Variants in AMHR2 observed in about 807,000 individuals in gnomAD.
AMHR2 encodes anti-Muellerian hormone type-2 receptor.
Under a neutral mutation model 61.4 loss-of-function variants are expected in AMHR2, and 36 were observed. That is an observed-to-expected ratio of 0.59 (90% confidence interval 0.45 to 0.77). The LOEUF is 0.77. Among genes scored for constraint, AMHR2 ranks in the 30% least tolerant of loss-of-function variants. The pLI is 0.00. For missense variants in AMHR2, 638 were observed against 714.6 expected, an observed-to-expected ratio of 0.89 and a Z score of 1.22; for synonymous variants, 258 against 279.4, an observed-to-expected ratio of 0.92 and a Z score of 0.76.
Position 53,431,388 on chromosome 12 carries a change from C to G in AMHR2, c.1637C>G (p.Pro546Arg), listed in dbSNP as rs759606666. ...IPAPTILPCR[P>R]QRSACHFSVQ... The stretch of plus-strand genomic sequence containing the variant: ...GCCCCTACCATCCTCCCCTGTAGGC[C>G]TCAGCGGAGTGCCTGCCACTTCAGC... The change falls in exon 11 of 11, where the codon CCT becomes CGT. Residue 546 changes from proline (P) to arginine (R), a missense_variant. By Grantham distance (103) the Pro-to-Arg change is moderately radical. Coordinates refer to ENST00000257863, the MANE Select transcript of AMHR2 (RefSeq NM_020547.3). The G allele has an allele frequency of 7.4e-6, 12 of 1,614,238 alleles. No homozygotes were observed. In the Admixed American group the frequency reaches 2.0e-4, roughly 27 times the overall value.
In AMHR2 at chr12:53,425,876, G is replaced by T; in HGVS notation, c.809G>T (p.Arg270Leu). 6.2e-7 allele frequency: 1 copy of T among 1,614,076 alleles called. No homozygotes were observed. Among genetic ancestry groups the T allele is most frequent in the Non-Finnish European group, 8.5e-7 (1 of 1,180,008 alleles). The change falls in exon 6 of 11, where the codon CGC (arginine) becomes CTC (leucine). Residue 270 changes from arginine to leucine, a missense_variant. By Grantham distance (102) the Arg-to-Leu change is moderately radical. Transcript: ENST00000257863. ...FITASRGGPG[R>L]LLSGPLLVLE... ...ACTGCCAGCCGGGGGGGTCCTGGCC[G>T]CCTGCTCTCTGGGCCCCTGCTGGTA...
In AMHR2 at chr12:53,424,331, A is replaced by T. The variant is rs1939339002; in HGVS notation, c.93A>T (p.Gly31=). 2 of 1,612,894 alleles carry T rather than the reference A, an allele frequency of 1.2e-6. No homozygotes were observed. Among genetic ancestry groups the T allele is most frequent in the South Asian group, 2.2e-5 (2 of 91,032 alleles). ...RRTCVFFEAP[G]VRGSTKTLGE... The stretch of plus-strand genomic sequence containing the variant: ...CCTGTGTGTTCTTTGAGGCCCCTGG[A>T]GTGCGGGGAAGCACAAAGACACTGG... Residue 31 remains glycine, a synonymous_variant, in exon 2 of 11, where the codon GGA becomes GGT. Transcript: ENST00000257863.
chr12:53,431,001 A>G, intron 10 of AMHR2, 176 bp from the exon 11 acceptor site: 3 of 789,470 alleles, frequency 3.8e-6, no homozygotes, highest in South Asian at 3.2e-5. Context: ...AGCCTGTTTC[A>G]TAGGGAGCAA....
intron 3 of AMHR2, 38 bp from the exon 4 acceptor site, chr12:53,425,127 C>A: frequency 6.2e-7 from 1 of 1,612,466 alleles, no homozygotes; most frequent in South Asian, 1.1e-5. Context: ...AGGTTTGGGT[C>A]AGTGCTCTCC....
At position 53,431,190 on chromosome 12, in the gene AMHR2, T is replaced by G. The variant is rs772827294; in HGVS notation, c.1439T>G (p.Leu480Arg). Residue 480 changes from leucine to arginine, a missense_variant, in exon 11 of 11, where the codon CTG becomes CGG. Transcript: ENST00000257863. The part of the protein sequence containing the change: ...WRCFATDPDG[L>R]RELLEDCWDA... ...CATTCCCCCCAGGACCCTGATGGGC[T>G]GAGGGAGCTCCTAGAAGACTGTTGG... 1 of 1,614,180 alleles carries G rather than the reference T, an allele frequency of 6.2e-7. No homozygotes were observed.
chr12:53,423,904 TCTC>T lies in AMHR2; in HGVS notation c.-28_-26del, dbSNP rs748190790. On this transcript the variant is annotated 5_prime_UTR_variant, in exon 1 of 11. Transcript: ENST00000257863. ...GGGCAGCTGTGCTGGCTTATGCTCTTCTCCTTCTGCTGCTGCCATCCTCCAGCA... is the reference window on the plus strand; with the variant it reads ...GGGCAGCTGTGCTGGCTTATGCTCTTCTTCTGCTGCTGCCATCCTCCAGCA... 7.4e-6 allele frequency: 12 copies of T among 1,613,678 alleles called. No homozygotes were observed. Among genetic ancestry groups the T allele is most frequent in the African/African-American group, 6.7e-5 (5 of 74,912 alleles).
intron 10 of AMHR2, 101 bp from the exon 11 acceptor site, chr12:53,431,076 A>T: frequency 7.2e-7 from 1 of 1,392,648 alleles, no homozygotes; most frequent in Admixed American, 1.7e-5. Flanking sequence ...TCAGAAGTGG[A>T]TGTTGAAAGC....
intron 10 of AMHR2, chr12:53,430,753 C>T (rs760940225): frequency 7.2e-5 from 25 of 345,810 alleles, no homozygotes; most frequent in African/African-American, 1.7e-4. Flanking sequence ...AAAGCAGTGG[C>T]GTCACAGTGA....
intron 4 of AMHR2, 32 bp from the exon 5 acceptor site, chr12:53,425,423 C>CA: frequency 3.1e-6 from 5 of 1,611,396 alleles, no homozygotes; most frequent in Non-Finnish European, 4.2e-6. Context: ...TATGCATTTG[C>CA]ACCCTGACCC....
At chr12:53,427,591 C>T (rs900235113) in intron 6 of AMHR2, among the ~76,000 whole-genome samples, 1 of 152,028 alleles carries the variant, frequency 6.6e-6, no homozygotes, top group Non-Finnish European at 1.5e-5. Context: ...TTAGTAGAGA[C>T]GGGATTTCAC....
chr12:53,425,659 G>C lies in AMHR2; in HGVS notation c.622-30G>C, dbSNP rs150321213. On this transcript the variant is annotated intron_variant, in intron 5 of 10. Transcript: ENST00000257863. ...AATCCTGGCCCTGTTATAGCTCAGA[G>C]GCCCACACTCAGCACAGTGTCCCCA... The C allele has an allele frequency of 9.3e-6, 15 of 1,613,500 alleles. No homozygotes were observed. In the East Asian group the frequency reaches 3.3e-4, roughly 36 times the overall value.
chr12:53,428,068 C>G (rs1939772495), intron 6 of AMHR2, among the ~76,000 whole-genome samples: 1 of 152,222 alleles, frequency 6.6e-6, no homozygotes, highest in Admixed American at 6.5e-5. Context: ...CCATATACCT[C>G]CTGGCCCAGC....
intron 6 of AMHR2, among the ~76,000 whole-genome samples, chr12:53,427,364 T>G (rs1435953155): frequency 6.6e-6 from 1 of 152,256 alleles, no homozygotes; most frequent in Non-Finnish European, 1.5e-5. Flanking sequence ...ATTTCCCATC[T>G]GCTTCCTGCT....
intron 8 of AMHR2, 95 bp from the exon 9 acceptor site, chr12:53,429,736 G>T (rs1939945791): frequency 1.2e-6 from 2 of 1,602,456 alleles, no homozygotes; most frequent in Non-Finnish European, 1.7e-6. Context: ...TTGGGACATT[G>T]CTGAGTCTGT....
chr12:53,429,330 T>C lies in AMHR2; in HGVS notation c.968-123T>C, dbSNP rs1939901466. 7.5e-6 allele frequency: 8 copies of C among 1,064,428 alleles called. No individual in the cohort carries two copies. In the South Asian group the frequency reaches 1.1e-4, roughly 14 times the overall value. The allele number at this position is 1,064,428 out of a possible 1,614,324, so 65.9% of individuals were successfully genotyped here. On this transcript the variant is annotated intron_variant, in intron 7 of 10. Coordinates refer to ENST00000257863, the MANE Select transcript of AMHR2 (RefSeq NM_020547.3). ...TCACTTGAACCCGGGAGGCGGAGGT[T>C]GCAGTGAGCCGAGATCGCGACACTG... is the stretch of plus-strand genomic sequence containing the variant.
rs1236281115 is a variant in AMHR2 at position 53,430,234 on chromosome 12, G to A, written c.1377G>A (p.Gln459=). Residue 459 remains glutamine, a synonymous_variant, in exon 10 of 11, where the codon CAG becomes CAA. Transcript: ENST00000257863. ...TSDELWALAV[Q]ERRRPYIPST... Reference sequence around the variant, plus strand: ...ATGAGCTATGGGCCTTGGCAGTGCAGGAGAGGAGGCGTCCCTACATCCCAT... The same window carrying A: ...ATGAGCTATGGGCCTTGGCAGTGCAAGAGAGGAGGCGTCCCTACATCCCAT... 1 of 1,614,216 alleles carries A rather than the reference G, an allele frequency of 6.2e-7. No homozygotes were observed. Among genetic ancestry groups the A allele is most frequent in the Admixed American group, 1.7e-5 (1 of 60,014 alleles).
rs1170011608 is a variant in AMHR2, at chr12:53,431,331, C to G, written c.1580C>G (p.Pro527Arg). Residue 527 changes from proline to arginine, a missense_variant, in exon 11 of 11, where the codon CCT (proline) becomes CGT (arginine). Physicochemically the swap from Pro to Arg is moderately radical, Grantham distance 103. Coordinates refer to ENST00000257863, the MANE Select transcript of AMHR2 (RefSeq NM_020547.3). ...FPESCPRGCP[P>R]LCPEDCTSIP... is the part of the protein sequence containing the mutation. ...GAGAGCTGTCCACGTGGCTGCCCAC[C>G]TCTCTGCCCAGAAGACTGTACTTCA... is the stretch of plus-strand genomic sequence containing the variant. 2 of 1,614,118 alleles carry G rather than the reference C, an allele frequency of 1.2e-6. No homozygotes were observed. Among genetic ancestry groups the G allele is most frequent in the African/African-American group, 1.3e-5 (1 of 74,944 alleles).
rs577517837 is a variant in AMHR2, at chr12:53,429,324, G to A, written c.968-129G>A. On this transcript the variant is annotated intron_variant, in intron 7 of 10. Transcript: ENST00000257863. ...GGAGAATCACTTGAACCCGGGAGGC[G>A]GAGGTTGCAGTGAGCCGAGATCGCG... is the stretch of plus-strand genomic sequence containing the variant. 2.5e-4 allele frequency: 255 copies of A among 1,006,042 alleles called. 3 individuals are homozygous for A. The South Asian group carries it at 2.9e-3, about 11-fold the overall frequency. The allele number at this position is 1,006,042 out of a possible 1,614,324, so 62.3% of individuals were successfully genotyped here.
chr12:53,424,198 G>T, intron 1 of AMHR2, 90 bp from the exon 2 acceptor site: 2 of 1,539,708 alleles, frequency 1.3e-6, no homozygotes, highest in South Asian at 2.2e-5. Context: ...CTGGGATGTG[G>T]AACATGTTTT....
Sources: gnomAD v4.1 joint callset for allele counts (sites outside exome capture counted in the v4.1 genomes callset) on GRCh38, gnomAD v4.1.1 for gene constraint, MANE v1.5 for transcripts, NCBI Gene and HGNC (gene_info 2026-07-23, HGNC 2026-07-21) for gene names.